The following CREB5 variants were observed in gnomAD, a reference collection of about 807,000 sequenced individuals.
CREB5 encodes the protein cAMP responsive element binding protein 5, also known as cyclic AMP-responsive element-binding protein 5.
A neutral mutation model predicts 57.1 loss-of-function variants in CREB5; 19 were observed. The ratio of observed to expected loss-of-function variants is 0.33; its 90% CI spans 0.23 to 0.49. The LOEUF is 0.49. Among genes scored for constraint, CREB5 ranks in the 20% least tolerant of loss-of-function variants. The pLI, the probability that CREB5 is intolerant of heterozygous loss-of-function variation, is 0.99. For missense variants in CREB5, 579 were observed against 671.6 expected (o/e 0.86, Z 1.52); for synonymous variants, 238 against 238.3 (o/e 1.00, Z 0.01).
chr7:28,444,729 C>T (rs188356795), intron 1 of CREB5, among the ~76,000 whole-genome samples: 1 of 152,296 alleles, frequency 6.6e-6, no homozygotes, highest in African/African-American at 2.4e-5. Flanking sequence ...AAGCTATTGG[C>T]TCTGTTTTCT....
At chr7:28,518,830 C>A (rs1583568714) in intron 4 of CREB5, among the ~76,000 whole-genome samples, 1 of 152,350 alleles carries the variant, frequency 6.6e-6, no homozygotes, top group East Asian at 1.9e-4. Context: ...GGAGTGTGGT[C>A]TGAACTCAGG....
intron 5 of CREB5, chr7:28,685,992 G>A (rs1225589957): frequency 1.4e-6 from 1 of 690,680 alleles, no homozygotes; most frequent in Admixed American, 2.6e-5. Flanking sequence ...GAGAGCAAGT[G>A]AGCGAGAGCC....
intron 1 of CREB5, among the ~76,000 whole-genome samples, chr7:28,330,236 C>T (rs797002571): frequency 5.9e-5 from 9 of 152,270 alleles, no homozygotes; most frequent in African/African-American, 1.7e-4. Context: ...GGCTGTGAAA[C>T]GCCAGCTGCT....
At chr7:28,303,674 T>A (rs923964387) in intron 1 of CREB5, among the ~76,000 whole-genome samples, 2 of 152,226 alleles carry the variant, frequency 1.3e-5, no homozygotes, top group Admixed American at 6.5e-5. Context: ...TTGATATAAA[T>A]ATCTAGTTTT....
intron 5 of CREB5, among the ~76,000 whole-genome samples, chr7:28,605,804 C>CT (rs1257837463): frequency 6.6e-6 from 1 of 152,096 alleles, no homozygotes; most frequent in African/African-American, 2.4e-5. Flanking sequence ...CTTGATTCCA[C>CT]TGACATGAAA....
At chr7:28,626,085 G>A (rs938220860) in intron 5 of CREB5, among the ~76,000 whole-genome samples, 1 of 152,082 alleles carries the variant, frequency 6.6e-6, no homozygotes, top group East Asian at 1.9e-4. Flanking sequence ...TTCTATTTGG[G>A]TGTGTCATTT....
In CREB5 at chr7:28,556,276, C is replaced by T. The variant is rs79599189; in HGVS notation, c.292-14089C>T. 5.3e-4 allele frequency among the ~76,000 whole-genome samples: 81 copies of T among 152,220 alleles called. 1 individual carries two copies. The East Asian group carries it at 8.1e-3, about 15-fold the overall frequency. The stretch of plus-strand genomic sequence containing the variant: ...TATAAAGCTGTTCTTATTCTAAGCC[C>T]GATTGTTTCACCAGGAGGAATGTAG... On this transcript the variant is annotated intron_variant, in intron 4 of 10. Coordinates refer to ENST00000357727, the MANE Select transcript of CREB5 (RefSeq NM_182898.4).
At chr7:28,357,369 T>C (rs1786367281) in intron 1 of CREB5, among the ~76,000 whole-genome samples, 1 of 152,208 alleles carries the variant, frequency 6.6e-6, no homozygotes, top group Admixed American at 6.5e-5. Context: ...CAGACGTCTT[T>C]ACTGGGAGAA....
intron 5 of CREB5, among the ~76,000 whole-genome samples, chr7:28,641,352 G>A (rs1798652327): frequency 6.6e-6 from 1 of 152,054 alleles, no homozygotes; most frequent in Non-Finnish European, 1.5e-5. Context: ...ATTTCAAAGG[G>A]GAAAGCGTGG....
intron 4 of CREB5, among the ~76,000 whole-genome samples, chr7:28,546,377 A>G (rs911663169): frequency 2.6e-5 from 4 of 152,218 alleles, no homozygotes; most frequent in African/African-American, 9.6e-5. Context: ...TTGTATGGAC[A>G]TGAGTTTTAT....
intron 5 of CREB5, among the ~76,000 whole-genome samples, chr7:28,677,840 T>C (rs1488505854): frequency 6.6e-6 from 1 of 151,980 alleles, no homozygotes; most frequent in African/African-American, 2.4e-5. Flanking sequence ...ATTGTGCCTG[T>C]GAACAGCCAC....
At chr7:28,669,450 TAA>T (rs1799946839) in intron 5 of CREB5, among the ~76,000 whole-genome samples, 2 of 152,212 alleles carry the variant, frequency 1.3e-5, no homozygotes, top group Non-Finnish European at 2.9e-5. Flanking sequence ...AGCCTGAAGC[TAA>T]GTTAATAGTA....
chr7:28,626,875 C>A (rs41294), intron 5 of CREB5, among the ~76,000 whole-genome samples: 96,268 of 152,008 alleles, frequency 0.63, 31,656 homozygotes, highest in East Asian at 0.9. Context: ...GGCCCCAGGA[C>A]GGCTTCAATT....
At chr7:28,817,458 T>C (rs1410181389) in intron 9 of CREB5, among the ~76,000 whole-genome samples, 1 of 152,182 alleles carries the variant, frequency 6.6e-6, no homozygotes, top group Non-Finnish European at 1.5e-5. Flanking sequence ...CAGACTTCTT[T>C]TGGAAAATCT....
intron 5 of CREB5, among the ~76,000 whole-genome samples, chr7:28,638,294 C>CACACACACACACAT (rs1554278720): frequency 1.9e-3 from 246 of 128,044 alleles, no homozygotes; most frequent in African/African-American, 6.7e-3. Context: ...CACACACACA[C>CACACACACACACAT]GAACACACAC....
intron 5 of CREB5, among the ~76,000 whole-genome samples, chr7:28,717,779 T>TTTTTGTTTGTTTGTTTTG (rs1715398391): frequency 1.3e-5 from 2 of 151,830 alleles, no homozygotes; most frequent in African/African-American, 4.8e-5. Context: ...TCCTGGGAGG[T>TTTTTGTTTGTTTGTTTTG]TTTTGTTTGT....
intron 5 of CREB5, among the ~76,000 whole-genome samples, chr7:28,628,541 G>A (rs1280195121): frequency 1.3e-5 from 2 of 152,142 alleles, no homozygotes; most frequent in African/African-American, 2.4e-5. Flanking sequence ...GTGGGTAAGA[G>A]AAGGAAGAGA....
chr7:28,381,959 G>A (rs1397005448), intron 1 of CREB5, among the ~76,000 whole-genome samples: 1 of 152,220 alleles, frequency 6.6e-6, no homozygotes, highest in East Asian at 1.9e-4. Context: ...TCCCACCACA[G>A]ACTGAATGTG....
At chr7:28,380,160 G>A (rs1191231633) in intron 1 of CREB5, among the ~76,000 whole-genome samples, 2 of 152,218 alleles carry the variant, frequency 1.3e-5, no homozygotes, top group African/African-American at 4.8e-5. Flanking sequence ...TCTGTCAAAT[G>A]TTATTGACCC....
Sources: allele counts gnomAD v4.1 joint callset (sites outside exome capture counted in the v4.1 genomes callset), GRCh38; gene constraint gnomAD v4.1.1; transcripts MANE v1.5; gene names NCBI Gene and HGNC (gene_info 2026-07-23, HGNC 2026-07-21).